The following PRPSAP1 variants were observed in gnomAD, a reference collection of about 807,000 sequenced individuals.
PRPSAP1 encodes the protein phosphoribosyl pyrophosphate synthase-associated protein 1.
A neutral mutation model predicts 39.4 loss-of-function variants in PRPSAP1; 31 were observed. The observed-to-expected ratio is 0.79, with a 90% CI of 0.59 to 1.06. PRPSAP1 has a LOEUF of 1.06. Among genes scored for constraint, PRPSAP1 ranks in the 50% least tolerant of loss-of-function variants. The pLI, the probability that PRPSAP1 is intolerant of heterozygous loss-of-function variation, is 0.00. For missense variants in PRPSAP1, 430 were observed against 511.6 expected, an observed-to-expected ratio of 0.84 and a Z score of 1.54; for synonymous variants, 212 against 192.6, an observed-to-expected ratio of 1.10 and a Z score of -0.83.
chr17:76,310,816 A>G lies in PRPSAP1; in HGVS notation c.*726T>C, dbSNP rs1408252255. The G allele has an allele frequency of 6.7e-6, 1 of 149,706 alleles. No homozygotes were observed. The highest frequency in any genetic ancestry group is 1.5e-5 in the Non-Finnish European group (1 of 67,552). 9.3% of individuals were successfully genotyped at this position (149,706 alleles called of 1,614,324 possible). A position where few individuals can be genotyped will look rare whatever the true frequency, so the allele number is the denominator to read the frequency against. ...ATTTAAAATACAGTATTCAACAAGG[A>G]TTTAGCTTCAACACTTAGGAAGAGG... On this transcript the variant is annotated 3_prime_UTR_variant, in exon 10 of 10. Coordinates refer to ENST00000446526, the MANE Select transcript of PRPSAP1 (RefSeq NM_002766.3).
chr17:76,336,425 G>A (rs565412823), intron 3 of PRPSAP1, among the ~76,000 whole-genome samples: 35 of 106,196 alleles, frequency 3.3e-4, no homozygotes, highest in African/African-American at 8.5e-4. Flanking sequence ...GCTACAGAGC[G>A]AGAATCTTTC....
In PRPSAP1 at chr17:76,316,188, A is replaced by AG. The variant is rs1343002072; in HGVS notation, c.782-2298_782-2297insC. Among the ~76,000 whole-genome samples, 7 of 146,598 alleles carry AG rather than the reference A, an allele frequency of 4.8e-5. No individual in the cohort carries two copies. The East Asian group carries it at 1.4e-3, about 29-fold the overall frequency. On this transcript the variant is annotated intron_variant, in intron 7 of 9. Coordinates refer to ENST00000446526, the MANE Select transcript of PRPSAP1 (RefSeq NM_002766.3). Reference sequence around the variant, plus strand: ...GAGACTCCGTCTAAAAAAAAAAAAAAAAAGAAAAAAAAAAAGAAAGATTGC... The same window carrying AG: ...GAGACTCCGTCTAAAAAAAAAAAAAAGAAAGAAAAAAAAAAAGAAAGATTGC...
intron 3 of PRPSAP1, 41 bp from the exon 4 acceptor site, chr17:76,332,476 T>C (rs1312775002): frequency 5.6e-6 from 9 of 1,606,442 alleles, no homozygotes; most frequent in Non-Finnish European, 7.7e-6. Context: ...TAATTCCATG[T>C]ATCAACCCTA....
intron 2 of PRPSAP1, among the ~76,000 whole-genome samples, chr17:76,347,872 C>T (rs76216578): frequency 0.018 from 2,774 of 152,148 alleles, 86 homozygotes; most frequent in African/African-American, 0.062. Context: ...TCAGAGCACA[C>T]AAGATGTGGT....
intron 7 of PRPSAP1, among the ~76,000 whole-genome samples, chr17:76,324,985 G>A (rs2071238098): frequency 6.6e-6 from 1 of 150,728 alleles, no homozygotes; most frequent in South Asian, 2.1e-4. Flanking sequence ...GGAGAATGGT[G>A]TGAACCTGGG....
intron 3 of PRPSAP1, among the ~76,000 whole-genome samples, chr17:76,333,408 C>T (rs2071345563): frequency 6.6e-6 from 1 of 152,130 alleles, no homozygotes; most frequent in Non-Finnish European, 1.5e-5. Context: ...CTATACCCAG[C>T]TGGAACTTAA....
intron 7 of PRPSAP1, among the ~76,000 whole-genome samples, chr17:76,322,416 C>G (rs977883150): frequency 1.3e-5 from 2 of 152,034 alleles, no homozygotes; most frequent in East Asian, 3.9e-4. Context: ...ATTTATCAAA[C>G]AACAGTCTTT....
At chr17:76,334,519 C>T (rs1202313957) in intron 3 of PRPSAP1, among the ~76,000 whole-genome samples, 1 of 152,206 alleles carries the variant, frequency 6.6e-6, no homozygotes, top group African/African-American at 2.4e-5. Context: ...TCAAAGACAT[C>T]CTTTTATTCT....
chr17:76,324,833 G>A (rs1240750152), intron 7 of PRPSAP1, among the ~76,000 whole-genome samples: 5 of 151,638 alleles, frequency 3.3e-5, no homozygotes, highest in South Asian at 2.1e-4. Context: ...AGGCCAAGGC[G>A]GGCGGATCAT....
chr17:76,334,518 T>C (rs1212546421), intron 3 of PRPSAP1, among the ~76,000 whole-genome samples: 1 of 152,226 alleles, frequency 6.6e-6, no homozygotes, highest in African/African-American at 2.4e-5. Flanking sequence ...TTCAAAGACA[T>C]CCTTTTATTC....
chr17:76,353,725 A>G lies in PRPSAP1; in HGVS notation c.-22T>C. On this transcript the variant is annotated 5_prime_UTR_variant, in exon 1 of 10. Transcript: ENST00000446526. The stretch of plus-strand genomic sequence containing the variant: ...GCATCGTCCGGCCCGCGGCGCGGTT[A>G]CGACCGGCCCCGCGCGGGGCTGCAC... 1.4e-6 allele frequency: 2 copies of G among 1,441,788 alleles called. No homozygotes were observed. The highest frequency in any genetic ancestry group is 9.0e-7 in the Non-Finnish European group (1 of 1,106,676). 89.3% of individuals were successfully genotyped at this position (1,441,788 alleles called of 1,614,324 possible). A position where few individuals can be genotyped will look rare whatever the true frequency, so the allele number is the denominator to read the frequency against.
chr17:76,341,135 T>C (rs892173736), intron 3 of PRPSAP1, among the ~76,000 whole-genome samples: 10 of 152,016 alleles, frequency 6.6e-5, no homozygotes, highest in African/African-American at 1.9e-4. Flanking sequence ...GCTCTGATCA[T>C]GCACCAACTC....
intron 2 of PRPSAP1, among the ~76,000 whole-genome samples, chr17:76,347,484 C>CAAAAAAAAAAAAAAAAAAAA (rs71161289): frequency 7.9e-5 from 2 of 25,222 alleles, no homozygotes; most frequent in Non-Finnish European, 1.6e-4. Flanking sequence ...AAGACTCCGT[C>CAAAAAAAAAAAAAAAAAAAA]AAAAAAAAAA....
At chr17:76,350,103 A>T (rs1172094400) in intron 1 of PRPSAP1, among the ~76,000 whole-genome samples, 1 of 150,616 alleles carries the variant, frequency 6.6e-6, no homozygotes, top group Admixed American at 6.6e-5. Flanking sequence ...AACTCCAGCC[A>T]GGTATACACA....
At position 76,353,566 on chromosome 17, in the gene PRPSAP1, G is replaced by A. The variant is rs530389118; in HGVS notation, c.138C>T (p.Ala46=). The stretch of plus-strand genomic sequence containing the variant: ...TGCGCTTGGCCAGCTCCGTGCAGGC[G>A]GCCGTGGAGTTGGCCGAGAAGACTC... ...GYRVFSANST[A]ACTELAKRIT... The change falls in exon 1 of 10, where the codon GCC becomes GCT. Residue 46 remains alanine, a synonymous_variant. Transcript: ENST00000446526. 32 of 1,556,696 alleles carry A rather than the reference G, an allele frequency of 2.1e-5. No individual in the cohort carries two copies. The Admixed American group carries it at 5.9e-4, about 29-fold the overall frequency.
chr17:76,353,604 G>A lies in PRPSAP1; in HGVS notation c.100C>T (p.Arg34Cys). 1 of 1,558,982 alleles carries A rather than the reference G, an allele frequency of 6.4e-7. No homozygotes were observed. Among genetic ancestry groups the A allele is most frequent in the Non-Finnish European group, 8.6e-7 (1 of 1,157,656 alleles). ...GCCGAGAAGACTCGGTAGCCGGTGC[G>A]AGCGGCGTTCATGGCCGGCGGGGGA... ...PVPPPAMNAA[R>C]TGYRVFSANS... The change falls in exon 1 of 10, where the codon CGC (arginine) becomes TGC (cysteine). Residue 34 changes from arginine to cysteine, a missense_variant. Arg to Cys is a radical substitution (Grantham distance 180). Coordinates refer to ENST00000446526, the MANE Select transcript of PRPSAP1 (RefSeq NM_002766.3).
At chr17:76,331,254 G>A (rs969383558) in intron 4 of PRPSAP1, among the ~76,000 whole-genome samples, 8 of 152,174 alleles carry the variant, frequency 5.3e-5, no homozygotes, top group Non-Finnish European at 2.9e-5. Context: ...ATTGCAAATG[G>A]TCAAAGGTCA....
rs1245623354 is a variant in PRPSAP1 at position 76,310,398 on chromosome 17, G to C, written c.*1144C>G. ...TTGGCCAGGCTGGTCTCAAACTCCT[G>C]ACCTCAGGTGATCTACCTGCCTCGG... On this transcript the variant is annotated 3_prime_UTR_variant, in exon 10 of 10. Coordinates refer to ENST00000446526, the MANE Select transcript of PRPSAP1 (RefSeq NM_002766.3). 6.6e-6 allele frequency: 1 copy of C among 151,976 alleles called. No homozygotes were observed. The highest frequency in any genetic ancestry group is 2.4e-5 in the African/African-American group (1 of 41,300). The allele number at this position is 151,976 out of a possible 1,614,324, so 9.4% of individuals were successfully genotyped here. A position where few individuals can be genotyped will look rare whatever the true frequency, so the allele number is the denominator to read the frequency against.
At chr17:76,348,688 ATT>A in intron 1 of PRPSAP1, 107 bp from the exon 2 acceptor site, 1 of 813,572 alleles carries the variant, frequency 1.2e-6, no homozygotes, top group Non-Finnish European at 1.8e-6. Flanking sequence ...TTAAGCTGCC[ATT>A]CTTTCCAAAA....
Sources: allele counts gnomAD v4.1 joint callset (sites outside exome capture counted in the v4.1 genomes callset), GRCh38; gene constraint gnomAD v4.1.1; transcripts MANE v1.5; gene names NCBI Gene and HGNC (gene_info 2026-07-23, HGNC 2026-07-21).